Variants in MNAT1 observed in about 807,000 individuals in gnomAD.
The protein encoded by MNAT1 is MNAT1 component of CDK activating kinase, also known as CDK-activating kinase assembly factor MAT1.
In MNAT1, 43 loss-of-function variants were observed where a neutral mutation model predicts 42.0. The ratio of observed to expected loss-of-function variants is 1.02; its 90% CI spans 0.80 to 1.32. MNAT1 has a LOEUF of 1.32. Ranked by LOEUF, MNAT1 falls within the 40% of genes most tolerant of loss-of-function variation. The pLI is 0.00. For synonymous variants in MNAT1, 118 were observed against 120.0 expected, an observed-to-expected ratio of 0.98 and a Z score of 0.11; for missense variants, 306 against 350.4, an observed-to-expected ratio of 0.87 and a Z score of 1.01.
chr14:60,744,605 T>G (rs74053494), intron 1 of MNAT1, among the ~76,000 whole-genome samples: 2,833 of 152,296 alleles, frequency 0.019, 106 homozygotes, highest in African/African-American at 0.065. Flanking sequence ...GGTAGTTCAG[T>G]TACTGGCAGA....
chr14:60,935,878 G>A (rs1230989086), intron 7 of MNAT1, among the ~76,000 whole-genome samples: 2 of 152,096 alleles, frequency 1.3e-5, no homozygotes, highest in Non-Finnish European at 2.9e-5. Flanking sequence ...AGCTAAAACC[G>A]GGCTCTTGTC....
chr14:60,913,654 C>T (rs1290180355), intron 7 of MNAT1, among the ~76,000 whole-genome samples: 1 of 152,142 alleles, frequency 6.6e-6, no homozygotes, highest in Non-Finnish European at 1.5e-5. Flanking sequence ...TATTGGTGAA[C>T]CGCAAATGCT....
intron 6 of MNAT1, among the ~76,000 whole-genome samples, chr14:60,850,867 CA>C (rs1345245499): frequency 1.3e-5 from 2 of 151,950 alleles, no homozygotes; most frequent in Non-Finnish European, 2.9e-5. Context: ...TAGAATCTGC[CA>C]AAATGTTAAG....
chr14:60,787,746 G>A (rs1438959873), intron 1 of MNAT1, among the ~76,000 whole-genome samples: 1 of 152,058 alleles, frequency 6.6e-6, no homozygotes, highest in African/African-American at 2.4e-5. Flanking sequence ...TCCATATCAA[G>A]AATCATCCCT....
At chr14:60,870,314 C>T (rs1454574554) in intron 6 of MNAT1, among the ~76,000 whole-genome samples, 1 of 152,078 alleles carries the variant, frequency 6.6e-6, no homozygotes, top group Non-Finnish European at 1.5e-5. Flanking sequence ...ACTGAATGTA[C>T]AGTTTGCATG....
intron 5 of MNAT1, among the ~76,000 whole-genome samples, chr14:60,817,754 C>G (rs1202461247): frequency 6.6e-6 from 1 of 151,990 alleles, no homozygotes; most frequent in Non-Finnish European, 1.5e-5. Flanking sequence ...TGTGTAGTCA[C>G]TATTTTAACA....
chr14:60,765,038 G>A (rs1351418985), intron 1 of MNAT1, among the ~76,000 whole-genome samples: 5 of 152,122 alleles, frequency 3.3e-5, no homozygotes, highest in South Asian at 2.1e-4. Context: ...ATCACCTGAG[G>A]TCAGGAGTTC....
chr14:60,869,040 A>ATTT (rs71114162), intron 6 of MNAT1, among the ~76,000 whole-genome samples: 96 of 113,016 alleles, frequency 8.5e-4, no homozygotes, highest in Non-Finnish European at 1.1e-3. Context: ...ATATATATAT[A>ATTT]TTTTTTTTTT....
chr14:60,842,404 TATGTATTATAGCCTGGAA>T (rs1304392404), intron 6 of MNAT1, among the ~76,000 whole-genome samples: 1 of 152,202 alleles, frequency 6.6e-6, no homozygotes, highest in Non-Finnish European at 1.5e-5. Context: ...GTTACTTCTC[TATGTATTATAGCCTGGAA>T]ATGGCCCCCA....
chr14:60,941,711 A>C (rs1594895898), intron 7 of MNAT1, among the ~76,000 whole-genome samples: 1 of 151,490 alleles, frequency 6.6e-6, no homozygotes, highest in East Asian at 1.9e-4. Context: ...CTTAAAAAAA[A>C]AAAAAGTCAA....
chr14:60,949,881 A>G (rs771154922), intron 7 of MNAT1, among the ~76,000 whole-genome samples: 40 of 152,326 alleles, frequency 2.6e-4, no homozygotes, highest in African/African-American at 6.0e-4. Context: ...AGTATTAAAA[A>G]TGTTTTTTAA....
chr14:60,891,081 C>T (rs998711170), intron 7 of MNAT1, among the ~76,000 whole-genome samples: 35 of 152,186 alleles, frequency 2.3e-4, no homozygotes, highest in African/African-American at 8.2e-4. Flanking sequence ...ATAGTTCTCT[C>T]ATATAATCCT....
chr14:60,907,306 G>A (rs921000429), intron 7 of MNAT1, among the ~76,000 whole-genome samples: 6 of 151,666 alleles, frequency 4.0e-5, no homozygotes, highest in Non-Finnish European at 5.9e-5. Context: ...GGTGGCACGC[G>A]CCTGTAGTCC....
At chr14:60,845,834 C>T (rs2033668638) in intron 6 of MNAT1, among the ~76,000 whole-genome samples, 1 of 152,032 alleles carries the variant, frequency 6.6e-6, no homozygotes, top group Admixed American at 6.6e-5. Flanking sequence ...TGTGCTTCAT[C>T]CTTGTTTTAG....
At chr14:60,867,903 G>T (rs184814023) in intron 6 of MNAT1, among the ~76,000 whole-genome samples, 4 of 152,144 alleles carry the variant, frequency 2.6e-5, no homozygotes, top group Non-Finnish European at 4.4e-5. Flanking sequence ...AAAGAAATTA[G>T]AGAAAAATCA....
At chr14:60,767,630 T>C (rs535790051) in intron 1 of MNAT1, among the ~76,000 whole-genome samples, 1 of 152,212 alleles carries the variant, frequency 6.6e-6, no homozygotes, top group Non-Finnish European at 1.5e-5. Context: ...AGACGGAGAC[T>C]TGCTCTGTTG....
chr14:60,921,976 A>G (rs1210129737), intron 7 of MNAT1, among the ~76,000 whole-genome samples: 1 of 152,182 alleles, frequency 6.6e-6, no homozygotes, highest in Non-Finnish European at 1.5e-5. Context: ...CTTTCATAGT[A>G]AATTTGTTTA....
At chr14:60,883,429 G>A (rs1239654018) in intron 7 of MNAT1, among the ~76,000 whole-genome samples, 1 of 151,738 alleles carries the variant, frequency 6.6e-6, no homozygotes, top group Admixed American at 6.6e-5. Context: ...TTGTTCCATT[G>A]GTCTCTGTGT....
chr14:60,781,712 G>A (rs1594749418), intron 1 of MNAT1, among the ~76,000 whole-genome samples: 1 of 152,016 alleles, frequency 6.6e-6, no homozygotes, highest in East Asian at 1.9e-4. Context: ...CCTATAATTT[G>A]ATAAAAGTTT....
Sources: allele counts gnomAD v4.1 joint callset (sites outside exome capture counted in the v4.1 genomes callset), GRCh38; gene constraint gnomAD v4.1.1; transcripts MANE v1.5; gene names NCBI Gene and HGNC (gene_info 2026-07-23, HGNC 2026-07-21).